The following SANBR variants were observed in gnomAD, a reference collection of about 807,000 sequenced individuals.
The protein encoded by SANBR is SANT and BTB domain regulator of class switch recombination.
In SANBR, 77 loss-of-function variants were observed where a neutral mutation model predicts 101.8. The ratio of observed to expected loss-of-function variants is 0.76; its 90% CI spans 0.63 to 0.91. The LOEUF (loss-of-function observed/expected upper bound fraction) is 0.91, where lower values mean the gene tolerates loss of function less well. Ranked by LOEUF, SANBR falls within the 40% of genes least tolerant of loss-of-function variation. SANBR has a pLI of 0.00. For synonymous variants in SANBR, 279 were observed against 274.7 expected (o/e 1.02, Z -0.15); for missense variants, 875 against 853.0 (o/e 1.03, Z -0.32).
chr2:61,095,397 A>T (rs1357069863), intron 11 of SANBR, among the ~76,000 whole-genome samples: 1 of 152,232 alleles, frequency 6.6e-6, no homozygotes, highest in Non-Finnish European at 1.5e-5. Flanking sequence ...TTTTAAAATT[A>T]AAAACCATTA....
intron 12 of SANBR, among the ~76,000 whole-genome samples, chr2:61,102,796 C>T (rs998496075): frequency 1.3e-5 from 2 of 151,980 alleles, no homozygotes; most frequent in African/African-American, 4.8e-5. Flanking sequence ...CCTCAGCCTC[C>T]CAGAGTGCTG....
intron 20 of SANBR, among the ~76,000 whole-genome samples, chr2:61,131,821 G>A (rs1285684706): frequency 6.6e-6 from 1 of 152,186 alleles, no homozygotes; most frequent in Non-Finnish European, 1.5e-5. Flanking sequence ...AGACAGTGCA[G>A]TACTGGTATA....
intron 12 of SANBR, among the ~76,000 whole-genome samples, chr2:61,098,976 A>G (rs1683164424): frequency 6.6e-6 from 1 of 152,232 alleles, no homozygotes. Context: ...TGTCAAGGAA[A>G]TCCTCAAAGG....
intron 7 of SANBR, among the ~76,000 whole-genome samples, chr2:61,082,733 C>T (rs6751720): frequency 0.062 from 9,491 of 152,052 alleles, 1,024 homozygotes; most frequent in African/African-American, 0.22. Flanking sequence ...GCAGGAGAAT[C>T]GCTTGAACCC....
At chr2:61,131,782 C>G (rs1231858742) in intron 20 of SANBR, among the ~76,000 whole-genome samples, 2 of 152,178 alleles carry the variant, frequency 1.3e-5, no homozygotes, top group Non-Finnish European at 2.9e-5. Context: ...TTTCCCATTT[C>G]CAATCTTACT....
At position 61,132,994 on chromosome 2, in the gene SANBR, GTAATCCCA is replaced by G. The variant is rs1684734056; in HGVS notation, c.2029-1142_2029-1135del. On this transcript the variant is annotated intron_variant, in intron 20 of 21. Transcript: ENST00000295031. ...TGGCCAGGTGCAGTGGCTCATGCCT[GTAATCCCA>G]GCACTTTGGGAGGCCAAGGCGGGTG... Among the ~76,000 whole-genome samples, 29 of 152,348 alleles carry G rather than the reference GTAATCCCA, an allele frequency of 1.9e-4. No individual in the cohort carries two copies. In the South Asian group the frequency reaches 6.0e-3, roughly 32 times the overall value.
In SANBR at chr2:61,098,351, G is replaced by A. The variant is rs75166417; in HGVS notation, c.1365+499G>A. On this transcript the variant is annotated intron_variant, in intron 12 of 21. Coordinates refer to ENST00000402291, the MANE Select transcript of SANBR (RefSeq NM_001129993.3). ...ACTCATGAGCTGAAGCGATCTGCCT[G>A]CTTTGGCCTCCCAGAGTGCCGGGAT... Among the ~76,000 whole-genome samples the A allele has an allele frequency of 3.0e-3, 456 of 152,212 alleles. 1 individual carries two copies. Among genetic ancestry groups the A allele is most frequent in the Non-Finnish European group, 4.9e-3 (335 of 68,014 alleles).
chr2:61,084,452 G>C (rs1186081438), intron 8 of SANBR, among the ~76,000 whole-genome samples: 1 of 152,096 alleles, frequency 6.6e-6, no homozygotes, highest in African/African-American at 2.4e-5. Context: ...AGAGGCTGAG[G>C]TGGGATGATT....
intron 15 of SANBR, among the ~76,000 whole-genome samples, chr2:61,108,964 G>A (rs537028065): frequency 1.3e-5 from 2 of 152,222 alleles, no homozygotes; most frequent in African/African-American, 4.8e-5. Context: ...GTACTTATGT[G>A]CCTACTACTG....
chr2:61,135,301 G>T (rs560580563), intron 21 of SANBR, among the ~76,000 whole-genome samples: 1 of 152,316 alleles, frequency 6.6e-6, no homozygotes, highest in African/African-American at 2.4e-5. Flanking sequence ...GATCTCTCAA[G>T]TGTATTCATT....
intron 13 of SANBR, among the ~76,000 whole-genome samples, chr2:61,105,106 C>CGTG (rs932500756): frequency 6.6e-6 from 1 of 151,510 alleles, no homozygotes; most frequent in African/African-American, 2.4e-5. Context: ...CTTAGCCAGG[C>CGTG]GTGGTGGCTC....
Position 61,088,390 on chromosome 2 carries a change from A to G in SANBR, c.1010A>G (p.Glu337Gly). The G allele has an allele frequency of 2.5e-6, 4 of 1,601,058 alleles. No individual in the cohort carries two copies. Among genetic ancestry groups the G allele is most frequent in the Non-Finnish European group, 3.4e-6 (4 of 1,175,210 alleles). The change falls in exon 10 of 22, where the codon GAA becomes GGA. Residue 337 changes from glutamate to glycine, a missense_variant. Physicochemically the swap from Glu to Gly is moderately conservative, Grantham distance 98. Transcript: ENST00000402291. ...CCLCKKLLTKETERRIPCIPG... is the reference protein window; with the variant it reads ...CCLCKKLLTKGTERRIPCIPG... ...TTGTGTAAGAAACTTTTAACAAAAGAAACAGAAAGAAGAATTCCTTGCATT... is the reference window on the plus strand; with the variant it reads ...TTGTGTAAGAAACTTTTAACAAAAGGAACAGAAAGAAGAATTCCTTGCATT...
At position 61,084,725 on chromosome 2, in the gene SANBR, A is replaced by T. The variant is rs556042666; in HGVS notation, c.890+1411A>T. 5.6e-4 allele frequency among the ~76,000 whole-genome samples: 86 copies of T among 152,242 alleles called. No homozygotes were observed. The Middle Eastern group carries it at 0.01, about 18-fold the overall frequency. ...TGACGTGATCTGATTTGTTGTTAAG[A>T]GGCCATTTTTGGTTGCTATGTGGAG... On this transcript the variant is annotated intron_variant, in intron 8 of 21. Transcript: ENST00000402291.
chr2:61,078,889 A>C (rs541750738), intron 6 of SANBR, among the ~76,000 whole-genome samples: 12 of 151,668 alleles, frequency 7.9e-5, no homozygotes, highest in African/African-American at 2.9e-4. Context: ...AAATACAAAA[A>C]TTAGCTGGGC....
In SANBR at chr2:61,103,935, T is replaced by C; in HGVS notation, c.1448T>C (p.Met483Thr). 6.2e-7 allele frequency: 1 copy of C among 1,614,158 alleles called. No homozygotes were observed. The highest frequency in any genetic ancestry group is 8.5e-7 in the Non-Finnish European group (1 of 1,179,968). Reference protein sequence around the residue: ...GDLPSCPTARMLDDLHKYRDV... With the variant: ...GDLPSCPTARTLDDLHKYRDV... ...TTGCCGTCCTGTCCCACTGCTAGAA[T>C]GTTGGACGATTTGCACAAGTACAGA... Residue 483 changes from methionine (M) to threonine (T), a missense_variant, in exon 13 of 22, where the codon ATG (methionine) becomes ACG (threonine). Transcript: ENST00000402291.
At chr2:61,128,749 C>T (rs1366158852), downstream of SANBR, among the ~76,000 whole-genome samples, 1 of 152,086 alleles carries the variant, frequency 6.6e-6, no homozygotes, top group Non-Finnish European at 1.5e-5. Flanking sequence ...CTGCCTCGGC[C>T]CCCCAGAGTG....
intron 21 of SANBR, among the ~76,000 whole-genome samples, chr2:61,136,635 A>G (rs1196158752): frequency 6.8e-6 from 1 of 146,800 alleles, no homozygotes; most frequent in East Asian, 2.1e-4. Flanking sequence ...TCTCAAAAAA[A>G]AAAAAAGATG....
chr2:61,066,508 C>G (rs935618403), intron 1 of SANBR: 1 of 152,544 alleles, frequency 6.6e-6, no homozygotes, highest in Non-Finnish European at 1.5e-5. Flanking sequence ...ATTTTACTTT[C>G]TCCTCCAGCT....
intron 17 of SANBR, among the ~76,000 whole-genome samples, chr2:61,116,785 A>C (rs1684096774): frequency 6.6e-6 from 1 of 151,998 alleles, no homozygotes; most frequent in Non-Finnish European, 1.5e-5. Flanking sequence ...GGGCATGATC[A>C]CTCATGCCTG....
Sources: allele counts gnomAD v4.1 joint callset (sites outside exome capture counted in the v4.1 genomes callset), GRCh38; gene constraint gnomAD v4.1.1; transcripts MANE v1.5; gene names NCBI Gene and HGNC (gene_info 2026-07-23, HGNC 2026-07-21).